TNIK: variants seen among roughly 807,000 people sequenced by gnomAD.
TNIK encodes TRAF2 and NCK-interacting protein kinase.
In TNIK, 49 loss-of-function variants were observed where a neutral mutation model predicts 191.3. The ratio of observed to expected loss-of-function variants is 0.26; its 90% CI spans 0.20 to 0.32. The LOEUF (loss-of-function observed/expected upper bound fraction) is 0.32. TNIK is among the 10% of genes least tolerant of loss of function. The pLI, the probability that TNIK is intolerant of heterozygous loss-of-function variation, is 1.00. For missense variants in TNIK, 1,155 were observed against 1,702.3 expected (o/e 0.68, Z 5.66); for synonymous variants, 594 against 600.9 (o/e 0.99, Z 0.17).
chr3:171,231,234 A>C (rs1743586450), intron 2 of TNIK, among the ~76,000 whole-genome samples: 1 of 152,194 alleles, frequency 6.6e-6, no homozygotes, highest in African/African-American at 2.4e-5. Flanking sequence ...TGGAATAAAT[A>C]AGATATCAGC....
In TNIK at chr3:171,117,836, G is replaced by C. The variant is rs144860490; in HGVS notation, c.2120+5760C>G. 4.8e-3 allele frequency among the ~76,000 whole-genome samples: 730 copies of C among 152,236 alleles called. 6 individuals carry two copies. The highest frequency in any genetic ancestry group is 0.015 in the African/African-American group (643 of 41,530). ...ATACAAAAAATTAGCTGGGCTTGGT[G>C]GTGGGCCCCTGTAGTCCCAGCTACT... On this transcript the variant is annotated intron_variant, in intron 18 of 32. Coordinates refer to ENST00000436636, the MANE Select transcript of TNIK (RefSeq NM_015028.4).
At chr3:171,440,570 A>AT (rs1233978009) in intron 1 of TNIK, among the ~76,000 whole-genome samples, 1 of 152,204 alleles carries the variant, frequency 6.6e-6, no homozygotes, top group Admixed American at 6.5e-5. Flanking sequence ...AAAATAGGGA[A>AT]TGGTTAGATC....
At position 171,434,651 on chromosome 3, in the gene TNIK, G is replaced by A. The variant is rs187673200; in HGVS notation, c.57+25356C>T. The stretch of plus-strand genomic sequence containing the variant: ...TTTTTAAAATTGTTTTTAGAGACAG[G>A]GTCTTTCTATGTTGCCCAGGCTGGT... On this transcript the variant is annotated intron_variant, in intron 1 of 32. Coordinates refer to ENST00000436636, the MANE Select transcript of TNIK (RefSeq NM_015028.4). Among the ~76,000 whole-genome samples the A allele has an allele frequency of 1.8e-3, 273 of 151,760 alleles. 2 individuals carry two copies. The highest frequency in any genetic ancestry group is 3.3e-3 in the Non-Finnish European group (225 of 67,902).
intron 2 of TNIK, among the ~76,000 whole-genome samples, chr3:171,294,035 G>A (rs1751982961): frequency 6.6e-6 from 1 of 151,946 alleles, no homozygotes. Flanking sequence ...GACCAGTCTG[G>A]CCAACATGGT....
chr3:171,426,277 C>A (rs1328089550), intron 1 of TNIK, among the ~76,000 whole-genome samples: 1 of 151,646 alleles, frequency 6.6e-6, no homozygotes, highest in East Asian at 1.9e-4. Flanking sequence ...AAGCTGGACA[C>A]CATCATTCTC....
At chr3:171,095,601 A>G (rs1368162470) in intron 22 of TNIK, among the ~76,000 whole-genome samples, 3 of 152,216 alleles carry the variant, frequency 2.0e-5, no homozygotes, top group African/African-American at 7.2e-5. Flanking sequence ...TGAAAGTCCA[A>G]AGAATTACTG....
chr3:171,112,590 G>A (rs1178006985), intron 18 of TNIK, among the ~76,000 whole-genome samples: 1 of 151,768 alleles, frequency 6.6e-6, no homozygotes, highest in Non-Finnish European at 1.5e-5. Flanking sequence ...CTTATGCGTG[G>A]AATCTACAAA....
chr3:171,093,720 C>A (rs771782181), intron 23 of TNIK, 119 bp downstream of exon 23: 1 of 1,330,774 alleles, frequency 7.5e-7, no homozygotes. Context: ...ACAGGTCCTC[C>A]CTCCCCCAAG....
intron 12 of TNIK, among the ~76,000 whole-genome samples, chr3:171,155,356 C>T (rs1165678228): frequency 1.3e-5 from 2 of 152,182 alleles, no homozygotes; most frequent in Admixed American, 6.5e-5. Flanking sequence ...TCTCTGAGTA[C>T]TTAGTATTCC....
chr3:171,403,646 G>A (rs961302945), intron 1 of TNIK, among the ~76,000 whole-genome samples: 1 of 151,496 alleles, frequency 6.6e-6, no homozygotes, highest in African/African-American at 2.4e-5. Context: ...AAAGAAAAGG[G>A]GGTGAATAGA....
At chr3:171,091,406 G>A (rs924727896) in intron 23 of TNIK, among the ~76,000 whole-genome samples, 5 of 152,118 alleles carry the variant, frequency 3.3e-5, no homozygotes, top group Admixed American at 3.3e-4. Flanking sequence ...CAGATCATGG[G>A]ACTTCTCAGC....
chr3:171,346,848 G>A (rs147782662), intron 2 of TNIK: 65 of 245,026 alleles, frequency 2.7e-4, no homozygotes, highest in African/African-American at 1.4e-3. Context: ...AGAAGGTTGT[G>A]TTCAGATCAT....
chr3:171,358,651 C>A (rs370886938), intron 2 of TNIK, among the ~76,000 whole-genome samples: 1 of 152,130 alleles, frequency 6.6e-6, no homozygotes, highest in African/African-American at 2.4e-5. Flanking sequence ...TGAGAAGGAT[C>A]GTTTTATTTA....
chr3:171,446,852 C>T (rs1317303640), intron 1 of TNIK, among the ~76,000 whole-genome samples: 2 of 152,190 alleles, frequency 1.3e-5, no homozygotes, highest in East Asian at 3.9e-4. Context: ...TCCACACATC[C>T]TCCAAACACA....
chr3:171,140,562 G>A (rs558990071), intron 12 of TNIK, 53 bp from the exon 13 acceptor site: 4 of 1,551,494 alleles, frequency 2.6e-6, no homozygotes, highest in Non-Finnish European at 3.5e-6. Context: ...GGTGGGGGGT[G>A]TCAGGGAGCC....
intron 2 of TNIK, among the ~76,000 whole-genome samples, chr3:171,248,679 C>T (rs1485491997): frequency 1.3e-5 from 2 of 152,084 alleles, no homozygotes; most frequent in African/African-American, 4.8e-5. Context: ...ATTTTAAAAG[C>T]AAAACAGACC....
intron 2 of TNIK, among the ~76,000 whole-genome samples, chr3:171,369,198 G>C (rs1055968830): frequency 2.0e-5 from 3 of 152,060 alleles, no homozygotes; most frequent in African/African-American, 7.2e-5. Context: ...TTCCAACACT[G>C]TTCACTCCAC....
At position 171,460,249 on chromosome 3, in the gene TNIK, G is replaced by T. The variant is rs929806238; in HGVS notation, c.-186C>A. ...GATCCTCCGCGCGTCGGTCCGCCGG[G>T]TCCGGGAGCCCAGCCTGCGCGGATC... On this transcript the variant is annotated 5_prime_UTR_variant, in exon 1 of 33. Transcript: ENST00000436636. This position sits in a 1 kb window ranked among gnomAD's most constrained non-coding sequence, Gnocchi z 6.8. 2 of 709,454 alleles carry T rather than the reference G, an allele frequency of 2.8e-6. No homozygotes were observed. The highest frequency in any genetic ancestry group is 4.7e-6 in the Non-Finnish European group (2 of 428,514). The allele number at this position is 709,454 out of a possible 1,614,324, so 43.9% of individuals were successfully genotyped here.
intron 4 of TNIK, among the ~76,000 whole-genome samples, chr3:171,198,846 G>A (rs1319698122): frequency 7.9e-5 from 12 of 152,162 alleles, no homozygotes; most frequent in Non-Finnish European, 1.8e-4. Flanking sequence ...TCCCGAGTGA[G>A]CAAAACATGT....
Sources: allele counts gnomAD v4.1 joint callset (sites outside exome capture counted in the v4.1 genomes callset), GRCh38; gene constraint gnomAD v4.1.1; non-coding constraint Gnocchi (gnomAD v3.1); transcripts MANE v1.5; gene names NCBI Gene and HGNC (gene_info 2026-07-23, HGNC 2026-07-21).